DENND5A: variants seen among roughly 807,000 people sequenced by gnomAD.
DENND5A encodes the protein DENN domain-containing protein 5A.
DENND5A carries 64 observed loss-of-function variants against 140.3 expected under a neutral mutation model. The ratio of observed to expected loss-of-function variants is 0.46; its 90% CI spans 0.37 to 0.56. DENND5A has a LOEUF of 0.56. DENND5A is among the 20% of genes least tolerant of loss of function. The pLI, the probability that DENND5A is intolerant of heterozygous loss-of-function variation, is 0.00. For missense variants in DENND5A, 1,292 were observed against 1,593.8 expected (o/e 0.81, Z 3.22); for synonymous variants, 605 against 607.7 (o/e 1.00, Z 0.07).
intron 1 of DENND5A, among the ~76,000 whole-genome samples, chr11:9,251,788 G>C (rs896338939): frequency 6.6e-6 from 1 of 151,592 alleles, no homozygotes; most frequent in Non-Finnish European, 1.5e-5. Flanking sequence ...AGGAGATCGA[G>C]ACCATCCTGG....
At chr11:9,197,018 C>T (rs555036703) in intron 4 of DENND5A, among the ~76,000 whole-genome samples, 4 of 151,594 alleles carry the variant, frequency 2.6e-5, no homozygotes, top group African/African-American at 9.7e-5. Context: ...AAAAATAGTA[C>T]ATTAGGCCAG....
intron 10 of DENND5A, among the ~76,000 whole-genome samples, chr11:9,168,092 A>ATTTTTTTTTTTTTTT (rs11285106): frequency 1.1e-4 from 16 of 141,982 alleles, no homozygotes; most frequent in Middle Eastern, 3.8e-3. Flanking sequence ...AACCTCAGTG[A>ATTTTTTTTTTTTTTT]TTTTTTTTTT....
chr11:9,139,353 A>T lies in DENND5A; in HGVS notation c.*318T>A. The T allele has an allele frequency of 3.1e-6, 1 of 321,572 alleles. No individual in the cohort carries two copies. Among genetic ancestry groups the T allele is most frequent in the Non-Finnish European group, 5.8e-6 (1 of 172,520 alleles). 19.9% of individuals were successfully genotyped at this position (321,572 alleles called of 1,614,324 possible). On this transcript the variant is annotated 3_prime_UTR_variant, in exon 23 of 23. Transcript: ENST00000328194. ...AAGGAAACATAACTGTCCCGCACGC[A>T]GTGCCACAGGCTCAGTCCAGGGAGG... is the stretch of plus-strand genomic sequence containing the variant.
At chr11:9,172,187 A>G (rs778531481) in intron 8 of DENND5A, 1 of 152,198 alleles carries the variant, frequency 6.6e-6, no homozygotes, top group Admixed American at 6.5e-5. Flanking sequence ...TAGAAGAAAT[A>G]CTGGCCAGAA....
At chr11:9,262,832 C>T (rs2136311152) in intron 1 of DENND5A, among the ~76,000 whole-genome samples, 1 of 152,058 alleles carries the variant, frequency 6.6e-6, no homozygotes, top group South Asian at 2.1e-4. Context: ...AGCTCCGCCT[C>T]CCGGGTTCAC....
chr11:9,225,205 TAA>T (rs952279480), intron 1 of DENND5A, among the ~76,000 whole-genome samples: 5 of 152,336 alleles, frequency 3.3e-5, no homozygotes, highest in East Asian at 3.9e-4. Flanking sequence ...CGCAGCCAAC[TAA>T]AAGTGTTACA....
chr11:9,222,008 T>C (rs962837835), intron 1 of DENND5A, among the ~76,000 whole-genome samples: 6 of 149,890 alleles, frequency 4.0e-5, no homozygotes, highest in Non-Finnish European at 7.4e-5. Context: ...CCGCCCACCT[T>C]GGCCTCCCAA....
chr11:9,157,078 T>G (rs1030839555), intron 12 of DENND5A, among the ~76,000 whole-genome samples: 1 of 152,144 alleles, frequency 6.6e-6, no homozygotes, highest in South Asian at 2.1e-4. Flanking sequence ...CAGTAAATAT[T>G]TAAAAGTTTT....
intron 6 of DENND5A, among the ~76,000 whole-genome samples, chr11:9,179,554 C>T (rs1004421664): frequency 6.7e-6 from 1 of 148,360 alleles, no homozygotes; most frequent in Non-Finnish European, 1.5e-5. Context: ...GGCTGGAGTG[C>T]AATGGCGCCA....
intron 8 of DENND5A, 118 bp from the exon 9 acceptor site, chr11:9,170,895 G>C: frequency 6.6e-7 from 1 of 1,504,482 alleles, no homozygotes; most frequent in Non-Finnish European, 8.9e-7. Flanking sequence ...CCAAGATAGA[G>C]TAAAAGGGAC....
intron 1 of DENND5A, among the ~76,000 whole-genome samples, chr11:9,235,338 C>G (rs1478725946): frequency 6.6e-6 from 1 of 152,126 alleles, no homozygotes; most frequent in Non-Finnish European, 1.5e-5. Flanking sequence ...GGTGCTGACA[C>G]ATGCTACAAC....
chr11:9,180,839 C>T lies in DENND5A; in HGVS notation c.1383G>A (p.Glu461=). ...NIAGSPLHSY[E]LLKENETIAR... ...CAATAGTTTCATTCTCCTTAAGAAG[C>T]TCGTAGGAATGCAAAGGGGAGCCAG... is the stretch of plus-strand genomic sequence containing the variant. Residue 461 remains glutamate (E), a synonymous_variant, in exon 6 of 23, where the codon GAG becomes GAA. Transcript: ENST00000328194. 1.2e-6 allele frequency: 2 copies of T among 1,614,218 alleles called. No individual in the cohort carries two copies.
intron 1 of DENND5A, among the ~76,000 whole-genome samples, chr11:9,249,894 C>T (rs1165967480): frequency 6.6e-6 from 1 of 151,936 alleles, no homozygotes; most frequent in Non-Finnish European, 1.5e-5. Flanking sequence ...ACTACGTTGC[C>T]CGGGCTAGCC....
intron 8 of DENND5A, among the ~76,000 whole-genome samples, chr11:9,173,070 C>T (rs533795158): frequency 1.5e-4 from 23 of 152,082 alleles, no homozygotes; most frequent in Non-Finnish European, 2.9e-4. Context: ...AAGTGTTCTG[C>T]CCACCTCAGA....
chr11:9,257,071 C>T (rs900324648), intron 1 of DENND5A, among the ~76,000 whole-genome samples: 2 of 152,072 alleles, frequency 1.3e-5, no homozygotes, highest in South Asian at 2.1e-4. Flanking sequence ...AGTGCAGTGG[C>T]GCCATCTCGG....
At chr11:9,154,491 C>T (rs1020776135) in intron 12 of DENND5A, among the ~76,000 whole-genome samples, 11 of 151,930 alleles carry the variant, frequency 7.2e-5, no homozygotes, top group African/African-American at 2.7e-4. Context: ...TACTGAGGGT[C>T]TATTTTGTTT....
At chr11:9,166,064 A>C in intron 10 of DENND5A, 97 bp from the exon 11 acceptor site, 2 of 1,164,966 alleles carry the variant, frequency 1.7e-6, no homozygotes, top group Non-Finnish European at 1.2e-6. Context: ...TTATTTTCTC[A>C]CATTTTCTTT....
Position 9,150,757 on chromosome 11 carries a change from A to T in DENND5A, c.2529T>A (p.Leu843=). ...TSGSLSTSGI[L]LDSERRKSDA... is the part of the protein sequence containing the mutation. ...CAGACTTCCTACGTTCTGAATCAAGAAGTATTCCTAGAATAAACAAGTTGG... is the reference window on the plus strand; with the variant it reads ...CAGACTTCCTACGTTCTGAATCAAGTAGTATTCCTAGAATAAACAAGTTGG... The change falls in exon 14 of 23, where the codon CTT becomes CTA. Residue 843 remains leucine, a synonymous_variant. Transcript: ENST00000328194. 1 of 1,611,588 alleles carries T rather than the reference A, an allele frequency of 6.2e-7. No individual in the cohort carries two copies. Among genetic ancestry groups the T allele is most frequent in the Non-Finnish European group, 8.5e-7 (1 of 1,178,104 alleles).
At chr11:9,225,162 C>T (rs1209868875) in intron 1 of DENND5A, among the ~76,000 whole-genome samples, 1 of 152,182 alleles carries the variant, frequency 6.6e-6, no homozygotes, top group African/African-American at 2.4e-5. Flanking sequence ...CAATTTTTGG[C>T]AACTAAATCA....
Sources: gnomAD v4.1 joint callset for allele counts (sites outside exome capture counted in the v4.1 genomes callset) on GRCh38, gnomAD v4.1.1 for gene constraint, MANE v1.5 for transcripts, NCBI Gene and HGNC (gene_info 2026-07-23, HGNC 2026-07-21) for gene names.